Variants in PTPRD observed in about 807,000 individuals in gnomAD.
The protein encoded by PTPRD is receptor-type tyrosine-protein phosphatase delta.
PTPRD carries 34 observed loss-of-function variants against 214.5 expected under a neutral mutation model. The ratio of observed to expected loss-of-function variants is 0.16; its 90% CI spans 0.12 to 0.21. PTPRD has a LOEUF of 0.21. PTPRD is among the 10% of genes least tolerant of loss of function. The probability of loss-of-function intolerance (pLI) is 1.00; values close to 1 mark genes in which losing one functional copy is unlikely to be tolerated. For synonymous variants in PTPRD, 1,128 were observed against 845.7 expected (o/e 1.33, Z -5.79); for missense variants, 2,545 against 2,398.7 (o/e 1.06, Z -1.27).
At chr9:8,756,004 G>A (rs1011520133) in intron 11 of PTPRD, among the ~76,000 whole-genome samples, 1 of 152,238 alleles carries the variant, frequency 6.6e-6, no homozygotes, top group Non-Finnish European at 1.5e-5. Flanking sequence ...TATGTGTGTA[G>A]AAGAGGAAAA....
intron 14 of PTPRD, among the ~76,000 whole-genome samples, chr9:8,609,620 C>T (rs2095367891): frequency 6.6e-6 from 1 of 152,146 alleles, no homozygotes; most frequent in Non-Finnish European, 1.5e-5. Flanking sequence ...ACTCATAAAA[C>T]AGGGCACTTA....
In PTPRD at chr9:8,963,756, C is replaced by G. The variant is rs552595204; in HGVS notation, c.-104+54941G>C. Among the ~76,000 whole-genome samples, 266 of 151,492 alleles carry G rather than the reference C, an allele frequency of 1.8e-3. 2 individuals carry two copies. Among genetic ancestry groups the G allele is most frequent in the East Asian group, 2.4e-3 (12 of 5,064 alleles). ...CACCTCAGCCTTCTGAGTAGCTGGG[C>G]TACAGGCACACATCACTATACTTGG... On this transcript the variant is annotated intron_variant, in intron 11 of 45. Coordinates refer to ENST00000381196, the MANE Select transcript of PTPRD (RefSeq NM_002839.4).
rs724159858 is a variant in PTPRD, at chr9:8,486,309, C to T, written c.2508G>A (p.Met836Ile). 1.9e-6 allele frequency: 3 copies of T among 1,614,158 alleles called. No homozygotes were observed. Among genetic ancestry groups the T allele is most frequent in the East Asian group, 2.2e-5 (1 of 44,876 alleles). ...KPRLVINHTQMNTALIQWHPP... is the reference protein window; with the variant it reads ...KPRLVINHTQINTALIQWHPP... ...GGTGCCACTGAATAAGAGCAGTATT[C>T]ATCTGAGTGTGGTTAATCACAAGCC... The change falls in exon 28 of 46, where the codon ATG (methionine) becomes ATA (isoleucine). Residue 836 changes from methionine to isoleucine, a missense_variant. Met to Ile is a conservative substitution (Grantham distance 10). Coordinates refer to ENST00000381196, the MANE Select transcript of PTPRD (RefSeq NM_002839.4).
chr9:9,789,621 C>A (rs572352036), intron 5 of PTPRD, among the ~76,000 whole-genome samples: 2 of 151,606 alleles, frequency 1.3e-5, no homozygotes, highest in Non-Finnish European at 2.9e-5. Context: ...CACGATGAAA[C>A]CCCGTCCCTA....
chr9:10,087,180 T>C (rs1242007782), intron 3 of PTPRD, among the ~76,000 whole-genome samples: 1 of 151,330 alleles, frequency 6.6e-6, no homozygotes, highest in East Asian at 2.0e-4. Flanking sequence ...GTAATATGTA[T>C]AATAAAGACT....
chr9:9,246,840 G>A (rs2099973276), intron 9 of PTPRD, among the ~76,000 whole-genome samples: 1 of 152,016 alleles, frequency 6.6e-6, no homozygotes, highest in South Asian at 2.1e-4. Flanking sequence ...AAGGAAGGAA[G>A]AAGAATGTTG....
chr9:9,839,922 A>T (rs1018562897), intron 5 of PTPRD, among the ~76,000 whole-genome samples: 1 of 152,170 alleles, frequency 6.6e-6, no homozygotes, highest in African/African-American at 2.4e-5. Context: ...TTAAACACAC[A>T]CACACACAAG....
intron 14 of PTPRD, among the ~76,000 whole-genome samples, chr9:8,529,051 A>G (rs558330296): frequency 6.6e-6 from 1 of 152,260 alleles, no homozygotes; most frequent in East Asian, 1.9e-4. Flanking sequence ...AGAGGGAGAA[A>G]TAATTATAGG....
At chr9:9,156,239 C>A (rs1316396367) in intron 10 of PTPRD, among the ~76,000 whole-genome samples, 1 of 152,052 alleles carries the variant, frequency 6.6e-6, no homozygotes, top group Admixed American at 6.6e-5. Context: ...TATTTTCAAG[C>A]TTTAAAACTT....
intron 12 of PTPRD, among the ~76,000 whole-genome samples, chr9:8,731,374 G>A (rs374869962): frequency 6.6e-6 from 1 of 152,008 alleles, no homozygotes; most frequent in African/African-American, 2.4e-5. Flanking sequence ...TTGATCCTTT[G>A]GATCAATACG....
At chr9:9,303,578 T>G (rs1286153893) in intron 9 of PTPRD, among the ~76,000 whole-genome samples, 1 of 152,118 alleles carries the variant, frequency 6.6e-6, no homozygotes, top group Non-Finnish European at 1.5e-5. Flanking sequence ...TTATGTGGAT[T>G]TTACTAAATG....
rs564750481 is a variant in PTPRD, at chr9:9,966,894, G to T, written c.-471-28284C>A. On this transcript the variant is annotated intron_variant, in intron 4 of 45. Coordinates refer to ENST00000381196, the MANE Select transcript of PTPRD (RefSeq NM_002839.4). ...CTCACTTTTACTCATTTCCATTGTA[G>T]CAGGCATTGAATAAACCCCTTTAAA... is the stretch of plus-strand genomic sequence containing the variant. Among the ~76,000 whole-genome samples the T allele has an allele frequency of 1.8e-4, 28 of 152,264 alleles. No individual in the cohort carries two copies. In the South Asian group the frequency reaches 5.8e-3, roughly 32 times the overall value.
intron 10 of PTPRD, among the ~76,000 whole-genome samples, chr9:9,133,502 G>C (rs569185450): frequency 6.6e-6 from 1 of 152,068 alleles, no homozygotes. Flanking sequence ...AAAAGCAAAA[G>C]GGAATTTCTA....
intron 10 of PTPRD, among the ~76,000 whole-genome samples, chr9:9,168,233 A>G (rs1448045309): frequency 6.6e-6 from 1 of 152,338 alleles, no homozygotes; most frequent in East Asian, 1.9e-4. Context: ...TTACAGTAAA[A>G]GGTTACTTAC....
intron 3 of PTPRD, among the ~76,000 whole-genome samples, chr9:10,286,472 T>TA (rs897270510): frequency 5.3e-5 from 8 of 151,602 alleles, no homozygotes; most frequent in South Asian, 2.1e-4. Context: ...AATTAAAAAT[T>TA]AAAAAAAAAT....
At chr9:8,706,253 G>C (rs1479749582) in intron 12 of PTPRD, among the ~76,000 whole-genome samples, 1 of 152,108 alleles carries the variant, frequency 6.6e-6, no homozygotes, top group Non-Finnish European at 1.5e-5. Context: ...TCTGAAATTA[G>C]ATATAATAGG....
chr9:8,521,938 C>A (rs567532974), intron 19 of PTPRD, among the ~76,000 whole-genome samples: 1 of 152,132 alleles, frequency 6.6e-6, no homozygotes, highest in Non-Finnish European at 1.5e-5. Context: ...GGAAGGTCAC[C>A]AGCATGTTTA....
At chr9:9,495,483 G>A (rs77815168) in intron 8 of PTPRD, among the ~76,000 whole-genome samples, 1,658 of 151,976 alleles carry the variant, frequency 0.011, 40 homozygotes, top group African/African-American at 0.038. Context: ...CCTACAGCCC[G>A]CCCTGCCCCT....
intron 14 of PTPRD, among the ~76,000 whole-genome samples, chr9:8,588,320 T>C (rs1207161574): frequency 6.6e-6 from 1 of 152,210 alleles, no homozygotes; most frequent in Non-Finnish European, 1.5e-5. Context: ...GCTGTAGTCT[T>C]TATATTTTGA....
Sources: gnomAD v4.1 joint callset for allele counts (sites outside exome capture counted in the v4.1 genomes callset) on GRCh38, gnomAD v4.1.1 for gene constraint, MANE v1.5 for transcripts, NCBI Gene and HGNC (gene_info 2026-07-23, HGNC 2026-07-21) for gene names.